The following PPP2R2B variants were observed in gnomAD, a reference collection of about 807,000 sequenced individuals.
PPP2R2B encodes protein phosphatase 2 regulatory subunit Bbeta.
A neutral mutation model predicts 46.0 loss-of-function variants in PPP2R2B; 5 were observed. That is an observed-to-expected ratio of 0.11 (90% CI 0.06 to 0.23). The LOEUF (loss-of-function observed/expected upper bound fraction) is 0.23. PPP2R2B is among the 10% of genes least tolerant of loss of function. The pLI is 1.00. For synonymous variants in PPP2R2B, 215 were observed against 206.7 expected, an observed-to-expected ratio of 1.04 and a Z score of -0.34; for missense variants, 367 against 575.0, an observed-to-expected ratio of 0.64 and a Z score of 3.70.
At chr5:146,930,897 A>G (rs189636911) in intron 1 of PPP2R2B, among the ~76,000 whole-genome samples, 1 of 152,314 alleles carries the variant, frequency 6.6e-6, no homozygotes, top group Admixed American at 6.5e-5. Context: ...AACATCCAGG[A>G]GAATGCTTAG....
At chr5:146,778,315 G>A (rs1455352739) in intron 2 of PPP2R2B, among the ~76,000 whole-genome samples, 1 of 152,172 alleles carries the variant, frequency 6.6e-6, no homozygotes, top group Non-Finnish European at 1.5e-5. Context: ...CTATGAAATT[G>A]TAATATGGAA....
At chr5:146,802,791 C>CA (rs1473229304) in intron 2 of PPP2R2B, among the ~76,000 whole-genome samples, 3 of 151,950 alleles carry the variant, frequency 2.0e-5, no homozygotes, top group Non-Finnish European at 4.4e-5. Context: ...GACATGTTTA[C>CA]AAAAAAGGAG....
At chr5:146,729,807 T>C (rs1206040804) in intron 2 of PPP2R2B, among the ~76,000 whole-genome samples, 3 of 152,292 alleles carry the variant, frequency 2.0e-5, no homozygotes, top group East Asian at 1.9e-4. Flanking sequence ...AGAAGATGTA[T>C]GGAAACACCT....
chr5:146,842,706 C>A (rs936025517), intron 2 of PPP2R2B, among the ~76,000 whole-genome samples: 2 of 152,090 alleles, frequency 1.3e-5, no homozygotes, highest in Non-Finnish European at 2.9e-5. Context: ...GTGTTCTCAT[C>A]ATTTAGCTCC....
chr5:147,012,922 T>C (rs1754813300), intron 1 of PPP2R2B, among the ~76,000 whole-genome samples: 1 of 152,166 alleles, frequency 6.6e-6, no homozygotes, highest in African/African-American at 2.4e-5. Flanking sequence ...AGTTCTAGTT[T>C]GATTGCACTG....
intron 2 of PPP2R2B, among the ~76,000 whole-genome samples, chr5:146,731,915 T>C (rs970373224): frequency 1.4e-4 from 21 of 152,322 alleles, no homozygotes; most frequent in African/African-American, 4.3e-4. Flanking sequence ...TCTAACTATA[T>C]TGTTAGCTAT....
intron 2 of PPP2R2B, among the ~76,000 whole-genome samples, chr5:146,738,205 G>C (rs997411003): frequency 6.6e-6 from 1 of 151,744 alleles, no homozygotes; most frequent in African/African-American, 2.4e-5. Flanking sequence ...GACCATCGTG[G>C]CTAACACAGT....
intron 2 of PPP2R2B, among the ~76,000 whole-genome samples, chr5:146,785,275 C>T (rs1755765470): frequency 1.3e-5 from 2 of 152,070 alleles, no homozygotes; most frequent in South Asian, 2.1e-4. Context: ...GGCCAGGCAC[C>T]GTGTCTCATG....
At chr5:146,702,267 G>C (rs1404288898) in intron 2 of PPP2R2B, among the ~76,000 whole-genome samples, 2 of 152,114 alleles carry the variant, frequency 1.3e-5, no homozygotes, top group Non-Finnish European at 2.9e-5. Context: ...CAGGTAAGTA[G>C]TGTAAAATTC....
rs574664741 is a variant in PPP2R2B at position 146,853,236 on chromosome 5, T to A, written c.70+24766A>T. Among the ~76,000 whole-genome samples, 27 of 152,270 alleles carry A rather than the reference T, an allele frequency of 1.8e-4. 1 individual carries two copies. The highest frequency in any genetic ancestry group is 5.8e-4 in the African/African-American group (24 of 41,570). Reference sequence around the variant, plus strand: ...TAACAAATCAAGAAATGGCAGCCCATATATTGCTGCAATCATTTTTACTTT... The same window carrying A: ...TAACAAATCAAGAAATGGCAGCCCAAATATTGCTGCAATCATTTTTACTTT... On this transcript the variant is annotated intron_variant, in intron 2 of 9. Transcript: ENST00000394411.
intron 1 of PPP2R2B, among the ~76,000 whole-genome samples, chr5:147,054,274 A>G (rs1409316500): frequency 1.3e-5 from 2 of 152,188 alleles, no homozygotes; most frequent in Admixed American, 6.5e-5. Context: ...CAGAAATACA[A>G]AAGTCATCTA....
At chr5:146,802,570 AG>A (rs1756927684) in intron 2 of PPP2R2B, among the ~76,000 whole-genome samples, 1 of 152,198 alleles carries the variant, frequency 6.6e-6, no homozygotes, top group Non-Finnish European at 1.5e-5. Flanking sequence ...CAGTATCCCC[AG>A]GTGATGCAAA....
At chr5:146,762,865 T>C (rs971816517) in intron 2 of PPP2R2B, among the ~76,000 whole-genome samples, 1 of 152,202 alleles carries the variant, frequency 6.6e-6, no homozygotes, top group Non-Finnish European at 1.5e-5. Flanking sequence ...CCAGACCAAG[T>C]CCAGGTCTGC....
chr5:146,675,160 C>G (rs1189913247), intron 5 of PPP2R2B, among the ~76,000 whole-genome samples: 1 of 152,168 alleles, frequency 6.6e-6, no homozygotes, highest in East Asian at 1.9e-4. Flanking sequence ...CGGGATTTCA[C>G]CATGTTGGCC....
intron 2 of PPP2R2B, among the ~76,000 whole-genome samples, chr5:146,718,850 G>C (rs1780638005): frequency 6.6e-6 from 1 of 152,214 alleles, no homozygotes; most frequent in South Asian, 2.1e-4. Flanking sequence ...GTTCATTAGA[G>C]GCTGAGCCAG....
upstream of PPP2R2B, among the ~76,000 whole-genome samples, chr5:147,057,142 G>A (rs990701484): frequency 1.3e-5 from 2 of 152,180 alleles, no homozygotes; most frequent in African/African-American, 4.8e-5. Context: ...TCATTAGAGT[G>A]CCAGGACAGA....
chr5:147,018,594 T>C (rs989960825), intron 1 of PPP2R2B, among the ~76,000 whole-genome samples: 2 of 152,192 alleles, frequency 1.3e-5, no homozygotes, highest in Admixed American at 6.6e-5. Flanking sequence ...CTAGAAAATA[T>C]AGTAAATGTT....
At chr5:146,760,837 A>G (rs1337153047) in intron 2 of PPP2R2B, among the ~76,000 whole-genome samples, 1 of 152,198 alleles carries the variant, frequency 6.6e-6, no homozygotes, top group African/African-American at 2.4e-5. Flanking sequence ...GGGTTGTCCC[A>G]TCAAAAAGTG....
At chr5:146,891,072 A>G (rs1762478609) in intron 1 of PPP2R2B, among the ~76,000 whole-genome samples, 1 of 152,224 alleles carries the variant, frequency 6.6e-6, no homozygotes, top group Non-Finnish European at 1.5e-5. Context: ...TTCGTAGAGA[A>G]TAAAAGTGGC....
Sources: gnomAD v4.1 joint callset for allele counts (sites outside exome capture counted in the v4.1 genomes callset) on GRCh38, gnomAD v4.1.1 for gene constraint, MANE v1.5 for transcripts, NCBI Gene and HGNC (gene_info 2026-07-23, HGNC 2026-07-21) for gene names.